PAK1: variants seen among roughly 807,000 people sequenced by gnomAD.
PAK1 encodes p21 (RAC1) activated kinase 1.
PAK1 carries 29 observed loss-of-function variants against 67.4 expected under a neutral mutation model. The observed-to-expected ratio is 0.43, with a 90% CI of 0.32 to 0.59. The LOEUF is 0.59. Among genes scored for constraint, PAK1 ranks in the 20% least tolerant of loss-of-function variants. The probability of loss-of-function intolerance (pLI) is 0.07; values close to 1 mark genes in which losing one functional copy is unlikely to be tolerated. For synonymous variants in PAK1, 223 were observed against 237.4 expected (o/e 0.94, Z 0.56); for missense variants, 337 against 670.7 (o/e 0.50, Z 5.50).
At chr11:77,408,204 C>T (rs568464122) in intron 1 of PAK1, 3 of 152,212 alleles carry the variant, frequency 2.0e-5, no homozygotes, top group South Asian at 2.1e-4. Context: ...ACAACTGAGG[C>T]CAGTTTCAAT....
intron 1 of PAK1, among the ~76,000 whole-genome samples, chr11:77,403,423 G>A (rs1565672829): frequency 6.6e-6 from 1 of 152,046 alleles, no homozygotes; most frequent in African/African-American, 2.4e-5. Flanking sequence ...TTACACCCAG[G>A]ACCTTATCAC....
chr11:77,529,760 C>T, the PAK1 span, among the ~76,000 whole-genome samples: 4 of 152,058 alleles, frequency 2.6e-5, no homozygotes, highest in Middle Eastern at 3.2e-3. Flanking sequence ...GGAGGGCATT[C>T]CAAGAAAAGA....
At chr11:77,491,712 A>T in the PAK1 span, among the ~76,000 whole-genome samples, 6 of 152,204 alleles carry the variant, frequency 3.9e-5, no homozygotes, top group South Asian at 2.1e-4. Flanking sequence ...AAAGCAAGAT[A>T]TTAAAACATA....
At chr11:77,360,736 C>A (rs1329029504) in intron 5 of PAK1, among the ~76,000 whole-genome samples, 1 of 152,112 alleles carries the variant, frequency 6.6e-6, no homozygotes, top group Non-Finnish European at 1.5e-5. Flanking sequence ...TAGGTTATTA[C>A]CCAGATTTTT....
At chr11:77,491,489 A>G in the PAK1 span, among the ~76,000 whole-genome samples, 1 of 152,088 alleles carries the variant, frequency 6.6e-6, no homozygotes, top group Non-Finnish European at 1.5e-5. Context: ...TGATCGTGTC[A>G]CTGCACACCA....
chr11:77,343,779 CA>C, intron 10 of PAK1, 39 bp downstream of exon 10: 1 of 1,216,270 alleles, frequency 8.2e-7, no homozygotes, highest in Non-Finnish European at 1.2e-6. Context: ...CAATCAGTCC[CA>C]AAGGCCCTTT....
At chr11:77,501,990 A>G in the PAK1 span, among the ~76,000 whole-genome samples, 1 of 107,274 alleles carries the variant, frequency 9.3e-6, no homozygotes, top group South Asian at 4.5e-4. Flanking sequence ...CTGAGCTGGG[A>G]ATCTGCTGAC....
intron 5 of PAK1, among the ~76,000 whole-genome samples, chr11:77,369,156 T>C (rs1336886267): frequency 3.3e-5 from 5 of 152,120 alleles, no homozygotes; most frequent in Non-Finnish European, 5.9e-5. Context: ...TATATTCTCT[T>C]TGGAGGCTTT....
chr11:77,421,529 T>C (rs1449907949), intron 1 of PAK1, among the ~76,000 whole-genome samples: 11 of 152,372 alleles, frequency 7.2e-5, no homozygotes, highest in Admixed American at 2.6e-4. Context: ...CAATGGAACA[T>C]ATGCTCCACA....
At chr11:77,365,160 G>A (rs1439367550) in intron 5 of PAK1, among the ~76,000 whole-genome samples, 1 of 150,660 alleles carries the variant, frequency 6.6e-6, no homozygotes, top group African/African-American at 2.4e-5. Flanking sequence ...GGTGAGGCAG[G>A]AGAATCGCTT....
chr11:77,437,170 T>G (rs1210437423), intron 1 of PAK1, among the ~76,000 whole-genome samples: 1 of 152,222 alleles, frequency 6.6e-6, no homozygotes, highest in Non-Finnish European at 1.5e-5. Context: ...AACAGATCTA[T>G]GCCTATCTGT....
At chr11:77,346,193 C>T (rs1591803907) in intron 9 of PAK1, among the ~76,000 whole-genome samples, 1 of 152,060 alleles carries the variant, frequency 6.6e-6, no homozygotes. Context: ...AGGCTGGTCT[C>T]GAACTCCTGA....
intron 4 of PAK1, among the ~76,000 whole-genome samples, chr11:77,377,447 T>C (rs1354092398): frequency 6.6e-6 from 1 of 152,162 alleles, no homozygotes; most frequent in Non-Finnish European, 1.5e-5. Flanking sequence ...TACATATATA[T>C]ACATGTGCAC....
At chr11:77,439,486 G>C (rs1400720944) in intron 1 of PAK1, among the ~76,000 whole-genome samples, 1 of 152,196 alleles carries the variant, frequency 6.6e-6, no homozygotes, top group Non-Finnish European at 1.5e-5. Context: ...ACTTTGAAGA[G>C]AGAGTTCAAA....
chr11:77,398,473 A>G (rs984958880), intron 1 of PAK1, among the ~76,000 whole-genome samples: 13 of 152,136 alleles, frequency 8.5e-5, no homozygotes, highest in Admixed American at 6.5e-4. Flanking sequence ...ATAGTACTCC[A>G]TTGTACATGT....
chr11:77,456,387 C>G (rs1056741839), intron 1 of PAK1, among the ~76,000 whole-genome samples: 1 of 152,160 alleles, frequency 6.6e-6, no homozygotes, highest in Non-Finnish European at 1.5e-5. Flanking sequence ...AGATGTTATT[C>G]AGAGAAAATG....
intron 1 of PAK1, among the ~76,000 whole-genome samples, chr11:77,410,765 A>C (rs1954396638): frequency 6.6e-6 from 1 of 152,018 alleles, no homozygotes; most frequent in Admixed American, 6.6e-5. Flanking sequence ...ACGTAGAGTC[A>C]TGAAAAAACT....
At chr11:77,516,225 G>A in the PAK1 span, among the ~76,000 whole-genome samples, 25 of 152,150 alleles carry the variant, frequency 1.6e-4, 1 homozygote, top group Non-Finnish European at 7.3e-5. Context: ...TTCAATGTAT[G>A]GTAGCCATTA....
chr11:77,371,444 T>G (rs1948414642), intron 5 of PAK1, among the ~76,000 whole-genome samples: 1 of 152,222 alleles, frequency 6.6e-6, no homozygotes. Flanking sequence ...TTGTGTCACT[T>G]GTATTTTGGC....
Sources: allele counts gnomAD v4.1 joint callset (sites outside exome capture counted in the v4.1 genomes callset), GRCh38; gene constraint gnomAD v4.1.1; transcripts MANE v1.5; gene names NCBI Gene and HGNC (gene_info 2026-07-23, HGNC 2026-07-21).